The following PHACTR1 variants were observed in gnomAD, a reference collection of about 807,000 sequenced individuals.
The protein encoded by PHACTR1 is phosphatase and actin regulator 1, also known as RPEL repeat containing 1.
A neutral mutation model predicts 69.2 loss-of-function variants in PHACTR1; 16 were observed. The ratio of observed to expected loss-of-function variants is 0.23; its 90% CI spans 0.16 to 0.35. The LOEUF (loss-of-function observed/expected upper bound fraction) is 0.35, where lower values mean the gene tolerates loss of function less well. Ranked by LOEUF, PHACTR1 falls within the 10% of genes least tolerant of loss-of-function variation. PHACTR1 has a pLI of 1.00. For synonymous variants in PHACTR1, 312 were observed against 284.5 expected (o/e 1.10, Z -0.97); for missense variants, 510 against 734.7 (o/e 0.69, Z 3.54).
At chr6:12,851,066 A>G (rs1185557019) in intron 4 of PHACTR1, among the ~76,000 whole-genome samples, 1 of 152,194 alleles carries the variant, frequency 6.6e-6, no homozygotes, top group Non-Finnish European at 1.5e-5. Flanking sequence ...ATTTTAAGAG[A>G]GTTCGTGTGT....
intron 10 of PHACTR1, among the ~76,000 whole-genome samples, chr6:13,259,374 C>A (rs561858980): frequency 2.6e-5 from 4 of 152,270 alleles, no homozygotes; most frequent in Admixed American, 2.6e-4. Flanking sequence ...AAAGTGATTT[C>A]CACTCAACAT....
intron 4 of PHACTR1, among the ~76,000 whole-genome samples, chr6:12,989,240 A>G (rs1796539646): frequency 6.6e-6 from 1 of 152,252 alleles, no homozygotes; most frequent in Non-Finnish European, 1.5e-5. Flanking sequence ...AAAGGCACAA[A>G]TATAAAGAAG....
At chr6:13,264,536 A>G (rs956567157) in intron 10 of PHACTR1, among the ~76,000 whole-genome samples, 2 of 152,106 alleles carry the variant, frequency 1.3e-5, no homozygotes, top group African/African-American at 4.8e-5. Context: ...CCTGGCCAAC[A>G]TGGTGAAACC....
chr6:13,047,415 G>C (rs1805248245), intron 4 of PHACTR1, among the ~76,000 whole-genome samples: 2 of 147,498 alleles, frequency 1.4e-5, no homozygotes, highest in African/African-American at 5.0e-5. Context: ...CAGTGCTGCT[G>C]CTTCAGCGTA....
chr6:12,749,448 CCTTTCTCTCCTTTGCTCTCTTT>C (rs1561846193), intron 3 of PHACTR1, 174 bp from the exon 4 acceptor site: 5 of 666,506 alleles, frequency 7.5e-6, no homozygotes, highest in Non-Finnish European at 2.8e-6. Context: ...TCCCTTCACC[CCTTTCTCTCCTTTGCTCTCTTT>C]CTTTCTCTCT....
chr6:13,000,291 G>A (rs954300981), intron 4 of PHACTR1, among the ~76,000 whole-genome samples: 4 of 152,096 alleles, frequency 2.6e-5, no homozygotes, highest in Admixed American at 6.5e-5. Context: ...CTCACACCTG[G>A]AATCCCAGCA....
intron 7 of PHACTR1, among the ~76,000 whole-genome samples, chr6:13,186,260 T>C (rs746099879): frequency 6.6e-6 from 1 of 152,222 alleles, no homozygotes; most frequent in Admixed American, 6.5e-5. Context: ...CATCTGTCTG[T>C]CTATTGAATA....
At chr6:13,143,539 G>A (rs188676213) in intron 5 of PHACTR1, among the ~76,000 whole-genome samples, 1 of 152,190 alleles carries the variant, frequency 6.6e-6, no homozygotes, top group Non-Finnish European at 1.5e-5. Flanking sequence ...CTGGGCTGGG[G>A]CCTGAGATTC....
intron 4 of PHACTR1, among the ~76,000 whole-genome samples, chr6:13,033,942 G>A (rs1487836985): frequency 6.6e-6 from 1 of 152,078 alleles, no homozygotes; most frequent in Non-Finnish European, 1.5e-5. Context: ...ATCTGAAATT[G>A]TTGTCTTGTC....
intron 4 of PHACTR1, among the ~76,000 whole-genome samples, chr6:12,994,599 A>C (rs1274202427): frequency 1.3e-5 from 2 of 152,178 alleles, no homozygotes; most frequent in Non-Finnish European, 2.9e-5. Context: ...AAATATGTAA[A>C]ATTTGAATAT....
intron 13 of PHACTR1, 58 bp from the exon 14 acceptor site, chr6:13,286,088 G>A (rs1781640673): frequency 5.7e-6 from 8 of 1,400,380 alleles, no homozygotes; most frequent in South Asian, 1.3e-5. Context: ...TGAACTGAAA[G>A]GGGAGTTTTT....
intron 3 of PHACTR1, among the ~76,000 whole-genome samples, chr6:12,739,250 C>T (rs1418098705): frequency 6.6e-6 from 1 of 152,022 alleles, no homozygotes; most frequent in East Asian, 1.9e-4. Flanking sequence ...TAATGCGGCA[C>T]AAAATGCTGG....
In PHACTR1 at chr6:13,047,447, C is replaced by T. The variant is rs150994678; in HGVS notation, c.251-5918C>T. The stretch of plus-strand genomic sequence containing the variant: ...CGTAGTGAGCTGACAGCCTACCTTA[C>T]CTCCACTCTGATCTTTGGTTCCCAT... On this transcript the variant is annotated intron_variant, in intron 4 of 14. Transcript: ENST00000332995. Among the ~76,000 whole-genome samples the T allele has an allele frequency of 3.5e-3, 523 of 150,832 alleles. 4 individuals carry two copies. Among genetic ancestry groups the T allele is most frequent in the African/African-American group, 0.012 (498 of 41,004 alleles).
In PHACTR1 at chr6:13,278,919, C is replaced by T. The variant is rs970294080; in HGVS notation, c.1509+590C>T. On this transcript the variant is annotated intron_variant, in intron 12 of 14. Coordinates refer to ENST00000332995, the MANE Select transcript of PHACTR1 (RefSeq NM_030948.6). ...CAGAGGTTGCAGTGAGCCGAGATCG[C>T]GCCACTGCACTCCAGCCTGGGCAAC... 4.0e-5 allele frequency among the ~76,000 whole-genome samples: 6 copies of T among 149,654 alleles called. No homozygotes were observed. In the South Asian group the frequency reaches 6.3e-4, roughly 16 times the overall value.
In PHACTR1 at chr6:13,228,077, A is replaced by G. The variant is rs1408801523; in HGVS notation, c.1234+14A>G. The G allele has an allele frequency of 6.2e-7, 1 of 1,603,590 alleles. No homozygotes were observed. The highest frequency in any genetic ancestry group is 8.5e-7 in the Non-Finnish European group (1 of 1,177,432). On this transcript the variant is annotated intron_variant, in intron 9 of 14. Transcript: ENST00000332995. The stretch of plus-strand genomic sequence containing the variant: ...CATTATACACCAGTGCGTTCATCTT[A>G]ACTCATCACCAGGGGTGGGGAAGCA...
At chr6:13,093,981 C>T (rs539202029) in intron 5 of PHACTR1, among the ~76,000 whole-genome samples, 2 of 152,258 alleles carry the variant, frequency 1.3e-5, no homozygotes, top group South Asian at 2.1e-4. Flanking sequence ...AAGTGATTCT[C>T]CCTCCTCAGG....
chr6:13,206,972 T>C (rs538693187), intron 8 of PHACTR1, among the ~76,000 whole-genome samples: 12 of 152,296 alleles, frequency 7.9e-5, no homozygotes, highest in African/African-American at 2.9e-4. Context: ...AAAATGACAT[T>C]GAATGAAATG....
intron 4 of PHACTR1, among the ~76,000 whole-genome samples, chr6:12,835,024 G>A (rs1778009539): frequency 1.3e-5 from 2 of 152,256 alleles, no homozygotes; most frequent in South Asian, 4.2e-4. Flanking sequence ...GAAAAAGGGA[G>A]CAATGAGCTT....
intron 11 of PHACTR1, among the ~76,000 whole-genome samples, chr6:13,277,532 A>G (rs1395533885): frequency 1.3e-5 from 2 of 152,148 alleles, no homozygotes; most frequent in African/African-American, 2.4e-5. Flanking sequence ...CAAGGACTAT[A>G]CCACAATGAG....
Sources: allele counts gnomAD v4.1 joint callset (sites outside exome capture counted in the v4.1 genomes callset), GRCh38; gene constraint gnomAD v4.1.1; transcripts MANE v1.5; gene names NCBI Gene and HGNC (gene_info 2026-07-23, HGNC 2026-07-21).